Variants in KLF12 observed in about 807,000 individuals in gnomAD.
KLF12 encodes KLF transcription factor 12.
Under a neutral mutation model 37.8 loss-of-function variants are expected in KLF12, and 9 were observed. The observed-to-expected ratio is 0.24, with a 90% confidence interval of 0.14 to 0.42. KLF12 has a LOEUF of 0.42. Ranked by LOEUF, KLF12 falls within the 10% of genes least tolerant of loss-of-function variation. The pLI is 1.00. For synonymous variants in KLF12, 208 were observed against 202.1 expected, an observed-to-expected ratio of 1.03 and a Z score of -0.25; for missense variants, 411 against 516.0, an observed-to-expected ratio of 0.80 and a Z score of 1.97.
the KLF12 span, among the ~76,000 whole-genome samples, chr13:74,187,272 A>G: frequency 6.6e-6 from 1 of 151,950 alleles, no homozygotes; most frequent in Non-Finnish European, 1.5e-5. Context: ...TGCAGTGAGC[A>G]GTGATCATGC....
intron 1 of KLF12, among the ~76,000 whole-genome samples, chr13:74,083,083 T>A (rs1241558557): frequency 6.6e-6 from 1 of 152,192 alleles, no homozygotes; most frequent in East Asian, 1.9e-4. Context: ...TTGGACAAAG[T>A]ACACAGTGAG....
chr13:73,826,103 G>A (rs943870709), intron 4 of KLF12, among the ~76,000 whole-genome samples: 2 of 151,980 alleles, frequency 1.3e-5, no homozygotes, highest in Admixed American at 6.6e-5. Flanking sequence ...CTCCCGAGTA[G>A]CTGGGACTAC....
chr13:74,134,877 G>A (rs376000563), upstream of KLF12, among the ~76,000 whole-genome samples: 12 of 152,154 alleles, frequency 7.9e-5, no homozygotes, highest in East Asian at 2.1e-3. Context: ...TGGAGGGAGG[G>A]GGCTGTCGCC....
chr13:74,168,738 G>C, the KLF12 span, among the ~76,000 whole-genome samples: 1 of 152,214 alleles, frequency 6.6e-6, no homozygotes, highest in East Asian at 1.9e-4. Flanking sequence ...AATGTTTGTG[G>C]CTTTTGTTCA....
chr13:74,024,821 T>C (rs1420651419), intron 1 of KLF12, among the ~76,000 whole-genome samples: 1 of 152,184 alleles, frequency 6.6e-6, no homozygotes, highest in Non-Finnish European at 1.5e-5. Flanking sequence ...CCAAGTAATC[T>C]AACAGATTTT....
the KLF12 span, among the ~76,000 whole-genome samples, chr13:74,188,870 G>A: frequency 5.9e-5 from 9 of 152,088 alleles, no homozygotes; most frequent in South Asian, 2.1e-4. Flanking sequence ...GGTGGTGCGC[G>A]CCTGTAATCC....
intron 1 of KLF12, among the ~76,000 whole-genome samples, chr13:74,033,869 A>G (rs1337364043): frequency 6.6e-6 from 1 of 152,020 alleles, no homozygotes; most frequent in Non-Finnish European, 1.5e-5. Context: ...GTATACATTC[A>G]CACGTTTCAT....
chr13:74,195,806 A>T, the KLF12 span, among the ~76,000 whole-genome samples: 1 of 151,774 alleles, frequency 6.6e-6, no homozygotes, highest in Non-Finnish European at 1.5e-5. Context: ...CTGGTCTCGA[A>T]CTCCTGACCT....
At chr13:74,044,110 T>C (rs1220017223) in intron 1 of KLF12, among the ~76,000 whole-genome samples, 1 of 152,090 alleles carries the variant, frequency 6.6e-6, no homozygotes. Flanking sequence ...ATAAACTACC[T>C]TGTAAAAGTA....
chr13:74,010,961 T>C (rs1014243954), intron 1 of KLF12, among the ~76,000 whole-genome samples: 5 of 152,178 alleles, frequency 3.3e-5, no homozygotes, highest in Middle Eastern at 3.2e-3. Context: ...TTCCTACTTA[T>C]GTAGATTTTT....
At chr13:74,115,046 T>C (rs572971222) in intron 1 of KLF12, among the ~76,000 whole-genome samples, 29 of 152,218 alleles carry the variant, frequency 1.9e-4, no homozygotes, top group African/African-American at 5.5e-4. Flanking sequence ...TGTGGGAAAA[T>C]TGCCTTCCAT....
the KLF12 span, among the ~76,000 whole-genome samples, chr13:74,300,801 T>C: frequency 4.6e-5 from 7 of 152,338 alleles, no homozygotes; most frequent in Middle Eastern, 3.4e-3. Context: ...GAATTATCTC[T>C]GGAAGCTGAT....
intron 3 of KLF12, among the ~76,000 whole-genome samples, chr13:73,875,545 T>C (rs539460517): frequency 6.6e-6 from 1 of 152,298 alleles, no homozygotes; most frequent in East Asian, 1.9e-4. Context: ...AATTACTACA[T>C]GTCCTTGAAA....
intron 6 of KLF12, among the ~76,000 whole-genome samples, chr13:73,718,536 C>T (rs1875984230): frequency 2.0e-5 from 3 of 152,160 alleles, no homozygotes; most frequent in East Asian, 1.9e-4. Context: ...ACAGGTGGAT[C>T]GCTTAGCTCA....
intron 1 of KLF12, among the ~76,000 whole-genome samples, chr13:74,104,585 G>A (rs1467661569): frequency 1.3e-5 from 2 of 152,138 alleles, no homozygotes; most frequent in African/African-American, 4.8e-5. Flanking sequence ...ATTGCCCAAT[G>A]TAACAGACTG....
At chr13:73,746,351 AC>A (rs1425745227) in intron 6 of KLF12, among the ~76,000 whole-genome samples, 1 of 152,212 alleles carries the variant, frequency 6.6e-6, no homozygotes, top group Non-Finnish European at 1.5e-5. Context: ...GAATAGAAAG[AC>A]CAACCTGTGA....
the KLF12 span, among the ~76,000 whole-genome samples, chr13:74,162,129 C>T: frequency 1.3e-5 from 2 of 152,156 alleles, no homozygotes; most frequent in Non-Finnish European, 2.9e-5. Flanking sequence ...TAGGTTTTAA[C>T]TACAGAATTG....
the KLF12 span, among the ~76,000 whole-genome samples, chr13:74,292,994 T>G: frequency 1.3e-5 from 2 of 152,178 alleles, no homozygotes; most frequent in African/African-American, 4.8e-5. Flanking sequence ...CAATAGGAAC[T>G]CTTAAGTTCT....
chr13:74,253,740 A>G, the KLF12 span, among the ~76,000 whole-genome samples: 1 of 152,184 alleles, frequency 6.6e-6, no homozygotes, highest in Non-Finnish European at 1.5e-5. Flanking sequence ...TATTCCAAAG[A>G]ACTCTAGTTC....
Sources: allele counts gnomAD v4.1 joint callset (sites outside exome capture counted in the v4.1 genomes callset), GRCh38; gene constraint gnomAD v4.1.1; transcripts MANE v1.5; gene names NCBI Gene and HGNC (gene_info 2026-07-23, HGNC 2026-07-21).